Variants in TFEC observed in about 807,000 individuals in gnomAD.
The protein encoded by TFEC is transcription factor EC, also known as class E basic helix-loop-helix protein 34.
In TFEC, 31 loss-of-function variants were observed where a neutral mutation model predicts 41.6. The ratio of observed to expected loss-of-function variants is 0.74; its 90% CI spans 0.56 to 1.01. The LOEUF is 1.01. Among genes scored for constraint, TFEC ranks in the 50% least tolerant of loss-of-function variants. TFEC has a pLI of 0.00. For missense variants in TFEC, 402 were observed against 404.1 expected (o/e 0.99, Z 0.04); for synonymous variants, 143 against 140.6 (o/e 1.02, Z -0.12).
intron 1 of TFEC, among the ~76,000 whole-genome samples, chr7:116,157,602 AT>A (rs1798895470): frequency 6.6e-6 from 1 of 152,176 alleles, no homozygotes; most frequent in African/African-American, 2.4e-5. Flanking sequence ...AAATCAAAAA[AT>A]AATATGTTGA....
chr7:116,048,869 T>C (rs1419138499), intron 3 of TFEC, among the ~76,000 whole-genome samples: 3 of 152,160 alleles, frequency 2.0e-5, no homozygotes, highest in East Asian at 3.9e-4. Context: ...GAATTTCATA[T>C]CCAGCCAAAC....
chr7:116,096,703 G>A (rs1797469804), intron 3 of TFEC, among the ~76,000 whole-genome samples: 1 of 151,902 alleles, frequency 6.6e-6, no homozygotes, highest in Admixed American at 6.6e-5. Flanking sequence ...TTTTTCATGA[G>A]CTTGTAAAGT....
intron 3 of TFEC, 87 bp from the exon 4 acceptor site, chr7:115,956,880 A>G: frequency 1.3e-6 from 1 of 745,054 alleles, no homozygotes; most frequent in Non-Finnish European, 1.9e-6. Context: ...TTTCCACTTT[A>G]AATGTGGCAT....
intron 3 of TFEC, among the ~76,000 whole-genome samples, chr7:116,083,177 ATC>A (rs1189818955): frequency 6.6e-6 from 1 of 151,866 alleles, no homozygotes; most frequent in African/African-American, 2.4e-5. Flanking sequence ...AATGTGTCTA[ATC>A]TCTAAAATTA....
chr7:116,056,931 T>C (rs1796444767), intron 3 of TFEC, among the ~76,000 whole-genome samples: 1 of 152,010 alleles, frequency 6.6e-6, no homozygotes, highest in South Asian at 2.1e-4. Context: ...ACAACTGTAT[T>C]CCATATGTTT....
chr7:115,998,041 CA>C (rs1187918400), intron 1 of TFEC, among the ~76,000 whole-genome samples: 4 of 151,950 alleles, frequency 2.6e-5, no homozygotes, highest in Non-Finnish European at 5.9e-5. Flanking sequence ...AAAATTTATT[CA>C]AATGGGTAAT....
chr7:116,054,074 C>T (rs998483250), intron 3 of TFEC, among the ~76,000 whole-genome samples: 1 of 152,178 alleles, frequency 6.6e-6, no homozygotes, highest in Non-Finnish European at 1.5e-5. Context: ...AATGCTTTTA[C>T]AAGCCAGGTA....
intron 1 of TFEC, among the ~76,000 whole-genome samples, chr7:116,140,754 C>T (rs1798524211): frequency 6.6e-6 from 1 of 152,100 alleles, no homozygotes; most frequent in Non-Finnish European, 1.5e-5. Context: ...CTCATCTGAC[C>T]CTCCACACTC....
intron 1 of TFEC, 35 bp from the exon 2 acceptor site, chr7:115,984,548 G>C (rs1793770190): frequency 6.3e-7 from 1 of 1,599,068 alleles, no homozygotes; most frequent in Non-Finnish European, 8.5e-7. Flanking sequence ...ACAATGTGCA[G>C]CATCAGCTGT....
intron 1 of TFEC, among the ~76,000 whole-genome samples, chr7:116,118,557 T>A (rs986785571): frequency 6.6e-6 from 1 of 151,712 alleles, no homozygotes; most frequent in African/African-American, 2.4e-5. Context: ...GCCCCCTATA[T>A]AAGTCCTGCA....
At chr7:116,155,682 T>C (rs1798855991) in intron 1 of TFEC, among the ~76,000 whole-genome samples, 1 of 152,226 alleles carries the variant, frequency 6.6e-6, no homozygotes, top group Non-Finnish European at 1.5e-5. Flanking sequence ...TCACTTGCCA[T>C]CCTCAGGCCA....
chr7:116,159,314 C>G (rs145578980), intron 1 of TFEC, among the ~76,000 whole-genome samples: 1 of 151,690 alleles, frequency 6.6e-6, no homozygotes, highest in Non-Finnish European at 1.5e-5. Flanking sequence ...TATAAAATAA[C>G]CATTTTGTCT....
intron 1 of TFEC, among the ~76,000 whole-genome samples, chr7:116,003,191 A>G (rs928548969): frequency 1.3e-5 from 2 of 152,130 alleles, no homozygotes; most frequent in African/African-American, 4.8e-5. Context: ...GGGCTAGGCC[A>G]GGCCAGCACC....
chr7:116,148,868 CGAT>C (rs1381704251), intron 1 of TFEC, among the ~76,000 whole-genome samples: 1 of 150,256 alleles, frequency 6.7e-6, no homozygotes, highest in African/African-American at 2.5e-5. Flanking sequence ...GCACAACACT[CGAT>C]GAGATCATCA....
intron 3 of TFEC, among the ~76,000 whole-genome samples, chr7:116,037,328 C>T (rs1415783724): frequency 6.6e-6 from 1 of 151,826 alleles, no homozygotes; most frequent in African/African-American, 2.4e-5. Flanking sequence ...ACTTAGCTTC[C>T]CTCCTAAAAA....
chr7:115,974,406 T>TATATATA (rs1793277519), intron 2 of TFEC, 150 bp from the exon 3 acceptor site: 5 of 65,010 alleles, frequency 7.7e-5, no homozygotes, highest in Non-Finnish European at 1.7e-4. Flanking sequence ...AACCTCAATA[T>TATATATA]TATATATATA....
chr7:116,011,171 G>A (rs956539128), intron 1 of TFEC, among the ~76,000 whole-genome samples: 3 of 152,124 alleles, frequency 2.0e-5, no homozygotes, highest in Non-Finnish European at 4.4e-5. Context: ...CCTTCTGGGG[G>A]TGTCAAGTAA....
intron 5 of TFEC, among the ~76,000 whole-genome samples, chr7:115,951,627 T>G (rs1272624236): frequency 6.6e-6 from 1 of 152,098 alleles, no homozygotes; most frequent in African/African-American, 2.4e-5. Context: ...CACTTAAAGA[T>G]TCTAATTTTA....
chr7:116,088,799 TATA>T (rs1381289477), intron 3 of TFEC, among the ~76,000 whole-genome samples: 2 of 151,984 alleles, frequency 1.3e-5, no homozygotes, highest in African/African-American at 4.8e-5. Flanking sequence ...CTAAGTTATA[TATA>T]ATATACCCGC....
Sources: allele counts gnomAD v4.1 joint callset (sites outside exome capture counted in the v4.1 genomes callset), GRCh38; gene constraint gnomAD v4.1.1; transcripts MANE v1.5; gene names NCBI Gene and HGNC (gene_info 2026-07-23, HGNC 2026-07-21).